The following ZNF71 variants were observed in gnomAD, a reference collection of about 807,000 sequenced individuals.
ZNF71 encodes zinc finger protein 71, also known as endothelial zinc finger protein induced by tumor necrosis factor alpha.
Under a neutral mutation model 6.7 loss-of-function variants are expected in ZNF71, and 3 were observed. The observed-to-expected ratio is 0.45, with a 90% CI of 0.20 to 1.16. ZNF71 has a LOEUF of 1.16. Among genes scored for constraint, ZNF71 ranks in the 50% most tolerant of loss-of-function variants. The pLI is 0.25. For missense variants in ZNF71, 688 were observed against 728.6 expected (o/e 0.94, Z 0.64); for synonymous variants, 343 against 311.1 (o/e 1.10, Z -1.08).
chr19:56,614,286 T>C (rs2044774029), intron 3 of ZNF71, among the ~76,000 whole-genome samples: 1 of 152,124 alleles, frequency 6.6e-6, no homozygotes, highest in South Asian at 2.1e-4. Flanking sequence ...GACACACAAA[T>C]TGAGGTACTA....
At chr19:56,606,968 A>G (rs1489690163) in intron 2 of ZNF71, among the ~76,000 whole-genome samples, 1 of 152,130 alleles carries the variant, frequency 6.6e-6, no homozygotes, top group African/African-American at 2.4e-5. Flanking sequence ...CAACAAGTCT[A>G]CCCACTTACT....
chr19:56,602,278 G>A (rs1348477640), intron 2 of ZNF71, among the ~76,000 whole-genome samples: 1 of 152,164 alleles, frequency 6.6e-6, no homozygotes, highest in Admixed American at 6.5e-5. Context: ...GGGACACTGG[G>A]CACAAATCTT....
intron 2 of ZNF71, chr19:56,609,901 C>G (rs8105518): frequency 6.9e-6 from 1 of 144,414 alleles, no homozygotes; most frequent in Non-Finnish European, 1.5e-5. Context: ...ACATTGTGTA[C>G]AAATGAGGCA....
intron 3 of ZNF71, among the ~76,000 whole-genome samples, chr19:56,615,108 T>G (rs7251408): frequency 0.32 from 48,731 of 152,004 alleles, 9,825 homozygotes; most frequent in East Asian, 0.67. Context: ...CCACTGTATG[T>G]GTATGCCACA....
In ZNF71 at chr19:56,621,448, C is replaced by A; in HGVS notation, c.341C>A (p.Ala114Glu). 1 of 1,613,904 alleles carries A rather than the reference C, an allele frequency of 6.2e-7. No homozygotes were observed. Among genetic ancestry groups the A allele is most frequent in the Non-Finnish European group, 8.5e-7 (1 of 1,179,912 alleles). Reference sequence around the variant, plus strand: ...GAGAGGCCGCGGGGAGATGCAGGTGCAGAGTGGGAGCCATTGGGAATTCCC... The same window carrying A: ...GAGAGGCCGCGGGGAGATGCAGGTGAAGAGTGGGAGCCATTGGGAATTCCC... ...WPERPRGDAG[A>E]EWEPLGIPQG... Residue 114 changes from alanine (A) to glutamate (E), a missense_variant, in exon 4 of 4, where the codon GCA becomes GAA. By Grantham distance (107) the Ala-to-Glu change is moderately radical. Transcript: ENST00000599599.
Position 56,622,688 on chromosome 19 carries a change from ATGCGGCGAG to A in ZNF71, c.1587_1595del (p.Glu530_Gly532del). ...TCCACACGGGCGAGAAGCCCTACCG[ATGCGGCGAG>A]TGCGGGAAGACCTTCAGCCGCAACA... On this transcript the variant is annotated inframe_deletion, in exon 4 of 4. Coordinates refer to ENST00000599599, the MANE Select transcript of ZNF71 (RefSeq NM_001370215.1). 6.2e-7 allele frequency: 1 copy of A among 1,612,478 alleles called. No homozygotes were observed. The highest frequency in any genetic ancestry group is 8.5e-7 in the Non-Finnish European group (1 of 1,179,330).
rs146091073 is a variant in ZNF71 at position 56,607,226 on chromosome 19, T to C, written c.33+5635T>C. 1.0e-3 allele frequency among the ~76,000 whole-genome samples: 152 copies of C among 152,314 alleles called. 1 individual carries two copies. Among genetic ancestry groups the C allele is most frequent in the African/African-American group, 3.5e-3 (146 of 41,572 alleles). On this transcript the variant is annotated intron_variant, in intron 2 of 3. Transcript: ENST00000599599. ...GGAAAGGTACCTGCATTTTCCTTGC[T>C]TGGGCAGCAGGACTGGGCATTTCTG...
At chr19:56,597,972 C>T (rs774462852) in intron 1 of ZNF71, among the ~76,000 whole-genome samples, 1 of 152,118 alleles carries the variant, frequency 6.6e-6, no homozygotes, top group Admixed American at 6.5e-5. Flanking sequence ...GTTCATTCAG[C>T]TTGATGTCTA....
chr19:56,604,504 G>A (rs1159683218), intron 2 of ZNF71, among the ~76,000 whole-genome samples: 3 of 152,224 alleles, frequency 2.0e-5, no homozygotes, highest in African/African-American at 7.2e-5. Context: ...ACGAGGCACT[G>A]TGTTTGGACC....
In ZNF71 at chr19:56,623,326, T is replaced by A. The variant is rs1047067; in HGVS notation, c.*569T>A. 0.11 allele frequency: 18,119 copies of A among 167,416 alleles called. 1,031 individuals are homozygous for A. Among genetic ancestry groups the A allele is most frequent in the Non-Finnish European group, 0.12 (8,456 of 68,674 alleles). 10.4% of individuals were successfully genotyped at this position (167,416 alleles called of 1,614,324 possible). On this transcript the variant is annotated 3_prime_UTR_variant, in exon 4 of 4. Coordinates refer to ENST00000599599, the MANE Select transcript of ZNF71 (RefSeq NM_001370215.1). Reference sequence around the variant, plus strand: ...TGCCGGTTGTTTGTGAGGGGAAAAATTTTTTTTTCAGAGTTAGCAAATAAC... The same window carrying A: ...TGCCGGTTGTTTGTGAGGGGAAAAAATTTTTTTTCAGAGTTAGCAAATAAC...
chr19:56,614,001 TAA>T (rs35452706), intron 3 of ZNF71, 63 bp downstream of exon 3: 9,641 of 879,884 alleles, frequency 0.011, no homozygotes, highest in Non-Finnish European at 0.012. Flanking sequence ...ACAAATAAAT[TAA>T]AAAAAAAAAA....
rs116944757 is a variant in ZNF71 at position 56,607,484 on chromosome 19, G to A, written c.33+5893G>A. ...TCTAGGGTCTGAGGATTCTGTGGTG[G>A]CCCAGGCAGACACAACTTCACAACC... On this transcript the variant is annotated intron_variant, in intron 2 of 3. Transcript: ENST00000599599. 3.4e-3 allele frequency among the ~76,000 whole-genome samples: 511 copies of A among 152,316 alleles called. 6 individuals are homozygous for A. The South Asian group carries it at 0.038, about 11-fold the overall frequency.
In ZNF71 at chr19:56,611,490, C is replaced by T. The variant is rs77414334; in HGVS notation, c.34-2322C>T. ...GCCTCCCTCCAGTGCCCCCTATTGACAGAGCTTCACAGGGAGTAGCTGCTA... is the reference window on the plus strand; with the variant it reads ...GCCTCCCTCCAGTGCCCCCTATTGATAGAGCTTCACAGGGAGTAGCTGCTA... On this transcript the variant is annotated intron_variant, in intron 2 of 3. Transcript: ENST00000599599. Among the ~76,000 whole-genome samples, 1,198 of 152,230 alleles carry T rather than the reference C, an allele frequency of 7.9e-3. 20 individuals are homozygous for T. The highest frequency in any genetic ancestry group is 0.025 in the African/African-American group (1,052 of 41,508).
intron 1 of ZNF71, among the ~76,000 whole-genome samples, chr19:56,596,746 C>T (rs948393310): frequency 2.0e-5 from 3 of 152,122 alleles, no homozygotes; most frequent in African/African-American, 7.2e-5. Flanking sequence ...AGTGACTCAC[C>T]CAAGGCTACC....
intron 1 of ZNF71, among the ~76,000 whole-genome samples, chr19:56,596,436 T>G (rs2044625377): frequency 6.6e-6 from 1 of 152,108 alleles, no homozygotes; most frequent in Non-Finnish European, 1.5e-5. Flanking sequence ...TGCCCACAGT[T>G]CCCTGGCTTT....
In ZNF71 at chr19:56,598,823, A is replaced by G. The variant is rs2044645452; in HGVS notation, c.-52-2684A>G. On this transcript the variant is annotated intron_variant, in intron 1 of 3. Coordinates refer to ENST00000599599, the MANE Select transcript of ZNF71 (RefSeq NM_001370215.1). This position sits in a 1 kb window ranked among gnomAD's most constrained non-coding sequence, Gnocchi z 4.2. ...CTTATATATATGCCCCCCTACAATT[A>G]AAATTACTTTTCACTTGTGGAAGTT... Among the ~76,000 whole-genome samples, 1 of 152,182 alleles carries G rather than the reference A, an allele frequency of 6.6e-6. No individual in the cohort carries two copies. Among genetic ancestry groups the G allele is most frequent in the Non-Finnish European group, 1.5e-5 (1 of 68,044 alleles).
chr19:56,615,417 C>G (rs73937517), intron 3 of ZNF71, among the ~76,000 whole-genome samples: 1 of 152,164 alleles, frequency 6.6e-6, no homozygotes, highest in South Asian at 2.1e-4. Context: ...GGTCTCATCA[C>G]TGTGCTTTTC....
chr19:56,621,306 A>G lies in ZNF71; in HGVS notation c.199A>G (p.Lys67Glu). ...ACCTGAAATGAAAGAGTTGGATCCA[A>G]AGAATGACATTTCGGAAGACAAGCT... The part of the protein sequence containing the change: ...TRPEMKELDP[K>E]NDISEDKLSV... The change falls in exon 4 of 4, where the codon AAG becomes GAG. Residue 67 changes from lysine to glutamate, a missense_variant. Lys to Glu is a moderately conservative substitution (Grantham distance 56). Coordinates refer to ENST00000599599, the MANE Select transcript of ZNF71 (RefSeq NM_001370215.1). 3 of 1,522,292 alleles carry G rather than the reference A, an allele frequency of 2.0e-6. No individual in the cohort carries two copies. The highest frequency in any genetic ancestry group is 2.6e-6 in the Non-Finnish European group (3 of 1,136,788). The allele number at this position is 1,522,292 out of a possible 1,614,324, so 94.3% of individuals were successfully genotyped here. A position where few individuals can be genotyped will look rare whatever the true frequency, so the allele number is the denominator to read the frequency against.
chr19:56,617,252 A>C (rs527712238), intron 3 of ZNF71, among the ~76,000 whole-genome samples: 5 of 152,208 alleles, frequency 3.3e-5, no homozygotes, highest in Admixed American at 3.3e-4. Flanking sequence ...CTAGGATTAC[A>C]GGTGCCTGCC....
Sources: gnomAD v4.1 joint callset for allele counts (sites outside exome capture counted in the v4.1 genomes callset) on GRCh38, gnomAD v4.1.1 for gene constraint, Gnocchi (gnomAD v3.1) non-coding constraint, MANE v1.5 for transcripts, NCBI Gene and HGNC (gene_info 2026-07-23, HGNC 2026-07-21) for gene names.